CPA6: variants seen among roughly 807,000 people sequenced by gnomAD.
The protein encoded by CPA6 is carboxypeptidase B.
CPA6 carries 58 observed loss-of-function variants against 63.3 expected under a neutral mutation model. The ratio of observed to expected loss-of-function variants is 0.92; its 90% confidence interval spans 0.74 to 1.14. The LOEUF (loss-of-function observed/expected upper bound fraction) is 1.14, where lower values mean the gene tolerates loss of function less well. Among genes scored for constraint, CPA6 ranks in the 50% most tolerant of loss-of-function variants. The probability of loss-of-function intolerance (pLI) is 0.00; values close to 1 mark genes in which losing one functional copy is unlikely to be tolerated. For synonymous variants in CPA6, 185 were observed against 179.0 expected (o/e 1.03, Z -0.27); for missense variants, 565 against 526.6 (o/e 1.07, Z -0.71).
intron 1 of CPA6, among the ~76,000 whole-genome samples, chr8:67,647,825 A>G (rs1023434573): frequency 3.3e-5 from 5 of 152,162 alleles, no homozygotes; most frequent in Admixed American, 2.6e-4. Context: ...GGCCCAACAG[A>G]GTATGTTCCA....
chr8:67,621,870 A>C (rs1432571497), intron 2 of CPA6, among the ~76,000 whole-genome samples: 1 of 152,180 alleles, frequency 6.6e-6, no homozygotes, highest in Non-Finnish European at 1.5e-5. Context: ...GACTAAATGA[A>C]AACAATCTGC....
intron 1 of CPA6, among the ~76,000 whole-genome samples, chr8:67,662,143 A>C (rs986320227): frequency 6.6e-6 from 1 of 152,192 alleles, no homozygotes; most frequent in Non-Finnish European, 1.5e-5. Context: ...GGCATTCAGG[A>C]TGGATGGCAT....
chr8:67,658,186 T>A (rs2128992470), intron 1 of CPA6, among the ~76,000 whole-genome samples: 1 of 152,354 alleles, frequency 6.6e-6, no homozygotes, highest in Non-Finnish European at 1.5e-5. Flanking sequence ...AAAGGCTTCT[T>A]GATCTTTCTT....
At chr8:67,557,856 A>G (rs1481980545) in intron 2 of CPA6, among the ~76,000 whole-genome samples, 1 of 152,202 alleles carries the variant, frequency 6.6e-6, no homozygotes, top group Non-Finnish European at 1.5e-5. Context: ...GCCTTGGGGT[A>G]CAGCATTTTC....
intron 2 of CPA6, among the ~76,000 whole-genome samples, chr8:67,522,593 C>T (rs1563985485): frequency 1.3e-5 from 2 of 152,194 alleles, no homozygotes; most frequent in African/African-American, 4.8e-5. Context: ...TGACACACTC[C>T]CATTCACCAA....
chr8:67,467,968 G>A (rs1810966643), intron 8 of CPA6, among the ~76,000 whole-genome samples: 1 of 150,950 alleles, frequency 6.6e-6, no homozygotes, highest in African/African-American at 2.4e-5. Flanking sequence ...TGAGGCAGGA[G>A]AATCGCTTGA....
chr8:67,551,400 A>T (rs1812934199), intron 2 of CPA6, among the ~76,000 whole-genome samples: 1 of 152,184 alleles, frequency 6.6e-6, no homozygotes, highest in South Asian at 2.1e-4. Flanking sequence ...TTGTACTAGT[A>T]CCATGCTGTT....
chr8:67,496,557 A>ATT (rs1342356034), intron 6 of CPA6, among the ~76,000 whole-genome samples: 10 of 98,990 alleles, frequency 1.0e-4, no homozygotes, highest in African/African-American at 3.0e-4. Flanking sequence ...ATATATATAT[A>ATT]TTTATTTTAT....
intron 2 of CPA6, among the ~76,000 whole-genome samples, chr8:67,604,420 T>A (rs1814573482): frequency 6.6e-6 from 1 of 152,250 alleles, no homozygotes; most frequent in African/African-American, 2.4e-5. Flanking sequence ...ATGCCACATT[T>A]TTAATGATGT....
intron 1 of CPA6, among the ~76,000 whole-genome samples, chr8:67,649,123 A>G (rs1210825354): frequency 6.6e-6 from 1 of 152,068 alleles, no homozygotes; most frequent in Non-Finnish European, 1.5e-5. Flanking sequence ...TTTTCATGGA[A>G]AGACGAAAAT....
chr8:67,633,997 G>C (rs1300990975), intron 1 of CPA6, among the ~76,000 whole-genome samples: 1 of 151,472 alleles, frequency 6.6e-6, no homozygotes, highest in African/African-American at 2.4e-5. Flanking sequence ...CTTGAAGTTC[G>C]TATGTTGAAG....
chr8:67,422,488 T>C lies in CPA6; in HGVS notation c.*16A>G, dbSNP rs748164209. On this transcript the variant is annotated 3_prime_UTR_variant, in exon 11 of 11. Coordinates refer to ENST00000297770, the MANE Select transcript of CPA6 (RefSeq NM_020361.5). ...GCTCAGAATCCTATGGCAGTTGACC[T>C]GAGCCTTGGGCTGTCTCAGGGACAT... is the stretch of plus-strand genomic sequence containing the variant. The C allele has an allele frequency of 3.1e-6, 5 of 1,608,444 alleles. No homozygotes were observed. The highest frequency in any genetic ancestry group is 3.4e-5 in the Admixed American group (2 of 59,568).
At chr8:67,587,245 C>T (rs145634975) in intron 2 of CPA6, among the ~76,000 whole-genome samples, 99 of 152,148 alleles carry the variant, frequency 6.5e-4, no homozygotes, top group African/African-American at 2.2e-3. Context: ...TATCTCCTTT[C>T]GACTACCTTC....
intron 8 of CPA6, among the ~76,000 whole-genome samples, chr8:67,450,975 T>C (rs542919753): frequency 6.6e-6 from 1 of 152,358 alleles, no homozygotes; most frequent in East Asian, 1.9e-4. Context: ...TATTTATTTA[T>C]ATAGACTCTC....
rs55676882 is a variant in CPA6 at position 67,692,328 on chromosome 8, CA to C, written c.116+53685del. Among the ~76,000 whole-genome samples, 439 of 89,974 alleles carry C rather than the reference CA, an allele frequency of 4.9e-3. 1 individual carries two copies. Among genetic ancestry groups the C allele is most frequent in the Non-Finnish European group, 7.5e-3 (330 of 43,714 alleles). 59.0% of individuals were successfully genotyped at this position (89,974 alleles called of 152,430 possible). On this transcript the variant is annotated intron_variant, in intron 1 of 10. Transcript: ENST00000297770. ...GGGCAACAAGAGTGAAATCCTGTCT[CA>C]AAAAAAAAAAAAAAAAAAAAAAGAA...
intron 6 of CPA6, among the ~76,000 whole-genome samples, chr8:67,500,981 A>C (rs905595102): frequency 1.3e-5 from 2 of 152,060 alleles, no homozygotes; most frequent in African/African-American, 4.8e-5. Context: ...GTATGTCTTG[A>C]AATTAGATAG....
chr8:67,692,002 C>A (rs1048120015), intron 1 of CPA6, among the ~76,000 whole-genome samples: 2 of 152,136 alleles, frequency 1.3e-5, no homozygotes, highest in Non-Finnish European at 1.5e-5. Flanking sequence ...ATCTTTTTGT[C>A]CTGGCAGTTG....
At chr8:67,430,171 G>GTGTGTA (rs1225024769) in intron 9 of CPA6, among the ~76,000 whole-genome samples, 1,359 of 104,780 alleles carry the variant, frequency 0.013, 36 homozygotes, top group African/African-American at 0.051. Flanking sequence ...GTGTGTGTGT[G>GTGTGTA]TATATATTTT....
intron 8 of CPA6, among the ~76,000 whole-genome samples, chr8:67,437,908 A>G (rs1259778774): frequency 7.5e-6 from 1 of 132,558 alleles, no homozygotes; most frequent in East Asian, 2.0e-4. Context: ...ATTTCTCCAC[A>G]ATTCTTTTTT....
Sources: allele counts gnomAD v4.1 joint callset (sites outside exome capture counted in the v4.1 genomes callset), GRCh38; gene constraint gnomAD v4.1.1; transcripts MANE v1.5; gene names NCBI Gene and HGNC (gene_info 2026-07-23, HGNC 2026-07-21).